The following ANKAR variants were observed in gnomAD, a reference collection of about 807,000 sequenced individuals.
The protein encoded by ANKAR is ankyrin and armadillo repeat-containing protein.
ANKAR carries 136 observed loss-of-function variants against 146.2 expected under a neutral mutation model. The observed-to-expected ratio is 0.93, with a 90% CI of 0.81 to 1.07. The LOEUF (loss-of-function observed/expected upper bound fraction) is 1.07. ANKAR is among the 50% of genes least tolerant of loss of function. ANKAR has a pLI of 0.00. For missense variants in ANKAR, 1,567 were observed against 1,679.9 expected (o/e 0.93, Z 1.18); for synonymous variants, 500 against 575.8 (o/e 0.87, Z 1.88).
chr2:189,696,440 T>C, intron 7 of ANKAR, 71 bp downstream of exon 7: 1 of 1,447,964 alleles, frequency 6.9e-7, no homozygotes, highest in Non-Finnish European at 9.3e-7. Context: ...GAATGCACGT[T>C]GATTTTAGAG....
rs2036590302 is a variant in ANKAR at position 189,692,610 on chromosome 2, G to A, written c.1203+192G>A. 3 of 459,366 alleles carry A rather than the reference G, an allele frequency of 6.5e-6. No homozygotes were observed. The Admixed American group carries it at 1.3e-4, about 20-fold the overall frequency. 28.5% of individuals were successfully genotyped at this position (459,366 alleles called of 1,614,324 possible). A position where few individuals can be genotyped will look rare whatever the true frequency, so the allele number is the denominator to read the frequency against. Reference sequence around the variant, plus strand: ...GCAGATATATGTAAGGTACTGTGTTGGATATCTGAGATAAAATTATAAATA... The same window carrying A: ...GCAGATATATGTAAGGTACTGTGTTAGATATCTGAGATAAAATTATAAATA... On this transcript the variant is annotated intron_variant, in intron 4 of 22. Transcript: ENST00000684021.
intron 12 of ANKAR, among the ~76,000 whole-genome samples, chr2:189,724,920 A>C (rs1300005347): frequency 6.6e-6 from 1 of 152,200 alleles, no homozygotes; most frequent in African/African-American, 2.4e-5. Flanking sequence ...AACTAGATTT[A>C]AAAAGAAAAG....
intron 18 of ANKAR, among the ~76,000 whole-genome samples, chr2:189,755,868 G>C (rs1161136098): frequency 1.3e-5 from 2 of 152,108 alleles, no homozygotes; most frequent in African/African-American, 4.8e-5. Context: ...GGGAAGGACA[G>C]GAAAAAATTG....
chr2:189,705,368 G>T, intron 8 of ANKAR, 144 bp downstream of exon 8: 1 of 822,956 alleles, frequency 1.2e-6, no homozygotes, highest in East Asian at 2.7e-5. Context: ...GATAGGTGTG[G>T]GTGATCTGAA....
chr2:189,754,020 C>G, intron 18 of ANKAR: 2 of 1,613,560 alleles, frequency 1.2e-6, no homozygotes, highest in Admixed American at 1.7e-5. Context: ...TGTACTGTGG[C>G]AGCAATGTCT....
In ANKAR at chr2:189,740,184, G is replaced by C. The variant is rs186016871; in HGVS notation, c.3701-1158G>C. ...TATACCACTTAGCTATTCTCTACTC[G>C]GAGTTCCTCCTTCTACTCCTTTGAG... is the stretch of plus-strand genomic sequence containing the variant. On this transcript the variant is annotated intron_variant, in intron 19 of 22. Coordinates refer to ENST00000684021, the MANE Select transcript of ANKAR (RefSeq NM_001378068.1). Among the ~76,000 whole-genome samples, 21 of 152,244 alleles carry C rather than the reference G, an allele frequency of 1.4e-4. No individual in the cohort carries two copies. In the East Asian group the frequency reaches 3.7e-3, roughly 27 times the overall value.
chr2:189,693,152 C>T lies in ANKAR; in HGVS notation c.1282C>T (p.Pro428Ser). Residue 428 changes from proline to serine, a missense_variant, in exon 5 of 23, where the codon CCA becomes TCA. By Grantham distance (74) the Pro-to-Ser change is moderately conservative. Transcript: ENST00000684021. Reference sequence around the variant, plus strand: ...AGGATATAAAGAATATTACTCAATACCAGTCATGGAATTTCATGGAAAAAG... The same window carrying T: ...AGGATATAAAGAATATTACTCAATATCAGTCATGGAATTTCATGGAAAAAG... ...DSGYKEYYSI[P>S]VMEFHGKSYY... 1.3e-6 allele frequency: 2 copies of T among 1,555,084 alleles called. No individual in the cohort carries two copies. The highest frequency in any genetic ancestry group is 1.2e-5 in the South Asian group (1 of 84,630).
In ANKAR at chr2:189,677,036, T is replaced by A; in HGVS notation, c.546T>A (p.Asp182Glu). The A allele has an allele frequency of 2.5e-6, 4 of 1,602,258 alleles. No homozygotes were observed. The highest frequency in any genetic ancestry group is 3.4e-6 in the Non-Finnish European group (4 of 1,176,524). The change falls in exon 2 of 23, where the codon GAT becomes GAA. Residue 182 changes from aspartate (D) to glutamate (E), a missense_variant. Coordinates refer to ENST00000684021, the MANE Select transcript of ANKAR (RefSeq NM_001378068.1). ...TGTGGCGTGCCATCATGGACATTGA[T>A]CCTGATGGAAAACCTCAAACAAATA... ...SELWRAIMDIDPDGKPQTNKD... is the reference protein window; with the variant it reads ...SELWRAIMDIEPDGKPQTNKD...
At chr2:189,703,039 G>A (rs530873724) in intron 7 of ANKAR, among the ~76,000 whole-genome samples, 4 of 152,296 alleles carry the variant, frequency 2.6e-5, no homozygotes, top group Admixed American at 1.3e-4. Context: ...AACCTGGGGC[G>A]TGTGATTATG....
chr2:189,727,696 G>A (rs1167937345), intron 12 of ANKAR, 160 bp from the exon 13 acceptor site: 2 of 770,874 alleles, frequency 2.6e-6, no homozygotes, highest in South Asian at 2.1e-5. Context: ...TTGTGTTTAG[G>A]TGGTAAATCT....
chr2:189,718,608 C>T (rs1899027), intron 10 of ANKAR, among the ~76,000 whole-genome samples: 149,494 of 152,320 alleles, frequency 0.98, 73,419 homozygotes, highest in East Asian at 1. Flanking sequence ...TCATTTCAGA[C>T]AGCTAAATAA....
intron 1 of ANKAR, among the ~76,000 whole-genome samples, chr2:189,675,386 C>CT (rs1452385358): frequency 1.4e-5 from 2 of 147,938 alleles, no homozygotes; most frequent in Non-Finnish European, 3.0e-5. Flanking sequence ...TTTTTTTTTT[C>CT]TTTTTTTGAA....
In ANKAR at chr2:189,727,928, T is replaced by C. The variant is rs2042045604; in HGVS notation, c.2708T>C (p.Ile903Thr). The C allele has an allele frequency of 1.2e-6, 2 of 1,613,964 alleles. No homozygotes were observed. The highest frequency in any genetic ancestry group is 1.1e-5 in the South Asian group (1 of 91,088). Residue 903 changes from isoleucine to threonine, a missense_variant, in exon 13 of 23, where the codon ATA (isoleucine) becomes ACA (threonine). By Grantham distance (89) the Ile-to-Thr change is moderately conservative (BLOSUM62 -1). Coordinates refer to ENST00000684021, the MANE Select transcript of ANKAR (RefSeq NM_001378068.1). The stretch of plus-strand genomic sequence containing the variant: ...GACAATAAGGAAATTCAGGATGCTA[T>C]AGCTATGGAGGGAGCGATTCCTCCT... Reference protein sequence around the residue: ...GRDNKEIQDAIAMEGAIPPLV... With the variant: ...GRDNKEIQDATAMEGAIPPLV...
chr2:189,744,899 T>C (rs1198288276), intron 22 of ANKAR, 111 bp downstream of exon 22: 4 of 787,232 alleles, frequency 5.1e-6, no homozygotes, highest in Non-Finnish European at 8.1e-6. Context: ...GGCTCATGCC[T>C]GTAATCCCAG....
chr2:189,713,778 T>C (rs559868929), intron 10 of ANKAR, among the ~76,000 whole-genome samples: 3 of 152,336 alleles, frequency 2.0e-5, no homozygotes, highest in South Asian at 4.1e-4. Flanking sequence ...ACTTTAAATG[T>C]AAATGGGCTA....
chr2:189,748,116 G>A (rs375146733), downstream of ANKAR, among the ~76,000 whole-genome samples: 37 of 152,224 alleles, frequency 2.4e-4, no homozygotes, highest in African/African-American at 7.5e-4. Flanking sequence ...ATTAATTAGC[G>A]GTTATTTTCC....
rs764956322 is a variant in ANKAR, at chr2:189,706,921, T to C, written c.1911-17T>C. The stretch of plus-strand genomic sequence containing the variant: ...ACACTCTATGCGTGTTTAATTGTTA[T>C]GTTTCTTAATTTTTAGGAATCAGTG... On this transcript the variant is annotated splice_polypyrimidine_tract_variant and intron_variant, in intron 8 of 22. Transcript: ENST00000684021. 2 of 1,586,852 alleles carry C rather than the reference T, an allele frequency of 1.3e-6. No individual in the cohort carries two copies. Among genetic ancestry groups the C allele is most frequent in the Non-Finnish European group, 1.7e-6 (2 of 1,168,240 alleles).
intron 18 of ANKAR, among the ~76,000 whole-genome samples, chr2:189,759,335 G>A (rs1470273608): frequency 6.6e-5 from 10 of 151,354 alleles, no homozygotes; most frequent in African/African-American, 2.2e-4. Context: ...TGCAAGCTCC[G>A]CCTCCCGGGT....
chr2:189,728,770 G>A lies in ANKAR; in HGVS notation c.3142G>A (p.Ala1048Thr). The change falls in exon 15 of 23, where the codon GCT (alanine) becomes ACT (threonine). Residue 1048 changes from alanine to threonine, a missense_variant. Coordinates refer to ENST00000684021, the MANE Select transcript of ANKAR (RefSeq NM_001378068.1). Reference protein sequence around the residue: ...LVRLLRISTIAEGTLLSVIRA... With the variant: ...LVRLLRISTITEGTLLSVIRA... Reference sequence around the variant, plus strand: ...TCGCTTACTAAGAATTAGTACGATTGCTGAAGGCACACTTCTCAGTGTCAT... The same window carrying A: ...TCGCTTACTAAGAATTAGTACGATTACTGAAGGCACACTTCTCAGTGTCAT... 6.2e-7 allele frequency: 1 copy of A among 1,614,076 alleles called. No homozygotes were observed. The highest frequency in any genetic ancestry group is 8.5e-7 in the Non-Finnish European group (1 of 1,179,938).
Sources: allele counts gnomAD v4.1 joint callset (sites outside exome capture counted in the v4.1 genomes callset), GRCh38; gene constraint gnomAD v4.1.1; transcripts MANE v1.5; gene names NCBI Gene and HGNC (gene_info 2026-07-23, HGNC 2026-07-21).